AFF3: variants seen among roughly 807,000 people sequenced by gnomAD.
AFF3 encodes AF4/FMR2 family member 3.
AFF3 carries 32 observed loss-of-function variants against 129.7 expected under a neutral mutation model. That is an observed-to-expected ratio of 0.25 (90% CI 0.19 to 0.33). The LOEUF (loss-of-function observed/expected upper bound fraction) is 0.33. Ranked by LOEUF, AFF3 falls within the 10% of genes least tolerant of loss-of-function variation. The pLI is 1.00. For missense variants in AFF3, 1,373 were observed against 1,592.0 expected (o/e 0.86, Z 2.34); for synonymous variants, 644 against 635.4 (o/e 1.01, Z -0.20).
chr2:100,026,542 T>C (rs1257392950), intron 4 of AFF3, among the ~76,000 whole-genome samples: 1 of 152,112 alleles, frequency 6.6e-6, no homozygotes, highest in African/African-American at 2.4e-5. Flanking sequence ...GCAATCCCAC[T>C]ACTGGGTATC....
At chr2:99,570,878 C>T (rs56044663) in intron 18 of AFF3, among the ~76,000 whole-genome samples, 1,817 of 152,314 alleles carry the variant, frequency 0.012, 10 homozygotes, top group Admixed American at 0.019. Context: ...TTCTAGGAGC[C>T]GAATGTTGCC....
intron 7 of AFF3, among the ~76,000 whole-genome samples, chr2:99,994,238 T>C (rs907528524): frequency 1.3e-5 from 2 of 152,138 alleles, no homozygotes; most frequent in Non-Finnish European, 2.9e-5. Flanking sequence ...ATCCCAATAA[T>C]ACTTTAGGGA....
chr2:99,899,030 G>GT (rs1481157641), intron 7 of AFF3, among the ~76,000 whole-genome samples: 1 of 152,116 alleles, frequency 6.6e-6, no homozygotes. Context: ...TGCAAATGCC[G>GT]TATTTCTGCT....
At chr2:99,969,825 A>C (rs920478259) in intron 7 of AFF3, among the ~76,000 whole-genome samples, 1 of 152,192 alleles carries the variant, frequency 6.6e-6, no homozygotes, top group African/African-American at 2.4e-5. Context: ...AAATTTTAAA[A>C]TTAACACCTA....
At chr2:100,045,330 T>G (rs1685748708) in intron 4 of AFF3, among the ~76,000 whole-genome samples, 1 of 152,160 alleles carries the variant, frequency 6.6e-6, no homozygotes, top group Non-Finnish European at 1.5e-5. Context: ...TCGTTCTGCC[T>G]CTAAGAGGCA....
At chr2:99,755,294 G>A (rs1682000698) in intron 8 of AFF3, among the ~76,000 whole-genome samples, 2 of 149,426 alleles carry the variant, frequency 1.3e-5, no homozygotes, top group Admixed American at 6.6e-5. Context: ...TTGAGCTGGA[G>A]TTTTGCTCTT....
intron 18 of AFF3, among the ~76,000 whole-genome samples, chr2:99,570,243 G>C (rs1366626409): frequency 6.6e-6 from 1 of 152,126 alleles, no homozygotes; most frequent in African/African-American, 2.4e-5. Context: ...TTGTTGCCTT[G>C]GTGAGTTTTC....
At chr2:99,623,155 T>C (rs1428297300) in intron 13 of AFF3, among the ~76,000 whole-genome samples, 1 of 150,394 alleles carries the variant, frequency 6.6e-6, no homozygotes, top group Non-Finnish European at 1.5e-5. Context: ...CTGGTTCTTT[T>C]TTTTTTTTTT....
At chr2:99,807,822 C>T (rs1424777247) in intron 8 of AFF3, among the ~76,000 whole-genome samples, 1 of 151,872 alleles carries the variant, frequency 6.6e-6, no homozygotes, top group Non-Finnish European at 1.5e-5. Flanking sequence ...ACTGTGAGAA[C>T]CAGGGGTCAA....
chr2:99,895,770 T>C (rs1164206245), intron 7 of AFF3, among the ~76,000 whole-genome samples: 1 of 151,974 alleles, frequency 6.6e-6, no homozygotes. Context: ...GCTTCTACAC[T>C]TATAAAAAGC....
intron 7 of AFF3, among the ~76,000 whole-genome samples, chr2:99,983,502 AC>A (rs1382560719): frequency 2.6e-5 from 4 of 152,242 alleles, no homozygotes. Context: ...AATATCAAAT[AC>A]TTGACAACAT....
chr2:99,791,832 T>C (rs923763367), intron 8 of AFF3, among the ~76,000 whole-genome samples: 3 of 152,108 alleles, frequency 2.0e-5, no homozygotes, highest in Non-Finnish European at 4.4e-5. Context: ...TTTTTCTTTT[T>C]TTTTTTTTTA....
At chr2:100,008,457 CCTT>C (rs1682184216) in intron 5 of AFF3, among the ~76,000 whole-genome samples, 1 of 152,192 alleles carries the variant, frequency 6.6e-6, no homozygotes, top group Admixed American at 6.5e-5. Context: ...AACACAACCT[CCTT>C]CTAATAGTGT....
At chr2:100,114,968 T>G (rs1233682487) in intron 2 of AFF3, among the ~76,000 whole-genome samples, 1 of 152,212 alleles carries the variant, frequency 6.6e-6, no homozygotes, top group African/African-American at 2.4e-5. Context: ...GTATTTCAAT[T>G]TTTTTCTCCC....
chr2:99,716,640 T>C (rs1678417152), intron 11 of AFF3, among the ~76,000 whole-genome samples: 1 of 152,020 alleles, frequency 6.6e-6, no homozygotes, highest in Non-Finnish European at 1.5e-5. Flanking sequence ...CCCAGCACTT[T>C]GGGAGGCCAA....
chr2:100,102,034 T>C (rs1361823805), intron 4 of AFF3, among the ~76,000 whole-genome samples: 1 of 150,802 alleles, frequency 6.6e-6, no homozygotes, highest in Non-Finnish European at 1.5e-5. Context: ...TCCTCATCTA[T>C]AAAATGGAAC....
chr2:99,669,292 C>G (rs946416808), intron 12 of AFF3, among the ~76,000 whole-genome samples: 1 of 152,142 alleles, frequency 6.6e-6, no homozygotes, highest in African/African-American at 2.4e-5. Context: ...ATTCTACTCC[C>G]CGACCCCTGC....
chr2:99,944,618 C>G (rs1194990424), intron 7 of AFF3, among the ~76,000 whole-genome samples: 1 of 152,098 alleles, frequency 6.6e-6, no homozygotes, highest in East Asian at 1.9e-4. Flanking sequence ...TCAACCTGCT[C>G]TACTACTTTT....
intron 7 of AFF3, among the ~76,000 whole-genome samples, chr2:99,890,746 T>A (rs2106078396): frequency 6.6e-6 from 1 of 152,254 alleles, no homozygotes; most frequent in East Asian, 1.9e-4. Flanking sequence ...CACAGTGACC[T>A]CTGCATGCCC....
Sources: allele counts gnomAD v4.1 joint callset (sites outside exome capture counted in the v4.1 genomes callset), GRCh38; gene constraint gnomAD v4.1.1; transcripts MANE v1.5; gene names NCBI Gene and HGNC (gene_info 2026-07-23, HGNC 2026-07-21).